Variants in TNFSF4 observed in about 807,000 individuals in gnomAD.
TNFSF4 encodes TNF superfamily member 4.
Under a neutral mutation model 7.3 loss-of-function variants are expected in TNFSF4, and 4 were observed. That is an observed-to-expected ratio of 0.55 (90% CI 0.27 to 1.25). The LOEUF is 1.25. Among genes scored for constraint, TNFSF4 ranks in the 50% most tolerant of loss-of-function variants. The pLI, the probability that TNFSF4 is intolerant of heterozygous loss-of-function variation, is 0.12. For missense variants in TNFSF4, 181 were observed against 208.8 expected (o/e 0.87, Z 0.82); for synonymous variants, 76 against 83.7 (o/e 0.91, Z 0.50).
chr1:173,384,999 C>T, the TNFSF4 span, among the ~76,000 whole-genome samples: 1 of 152,130 alleles, frequency 6.6e-6, no homozygotes, highest in Admixed American at 6.5e-5. Flanking sequence ...CTCAAAATAA[C>T]TGGAAGCATA....
chr1:173,238,354 A>G, the TNFSF4 span, among the ~76,000 whole-genome samples: 1 of 152,216 alleles, frequency 6.6e-6, no homozygotes, highest in East Asian at 1.9e-4. Flanking sequence ...AAGATTTCAC[A>G]ACAAAAATGC....
chr1:173,375,505 A>C, the TNFSF4 span, among the ~76,000 whole-genome samples: 1 of 152,218 alleles, frequency 6.6e-6, no homozygotes, highest in African/African-American at 2.4e-5. Context: ...TGTAAAATGC[A>C]TCAATCAGCA....
the TNFSF4 span, among the ~76,000 whole-genome samples, chr1:173,322,208 C>A: frequency 1.3e-5 from 2 of 152,118 alleles, no homozygotes; most frequent in Non-Finnish European, 2.9e-5. Context: ...AGCAAACTAA[C>A]ACAGGAACAG....
the TNFSF4 span, among the ~76,000 whole-genome samples, chr1:173,417,399 T>C: frequency 2.6e-5 from 4 of 152,256 alleles, no homozygotes; most frequent in African/African-American, 4.8e-5. Flanking sequence ...AGAACTCTTA[T>C]TGGCATTGTA....
intron 1 of TNFSF4, among the ~76,000 whole-genome samples, chr1:173,203,729 T>C (rs758339015): frequency 6.6e-6 from 1 of 152,180 alleles, no homozygotes; most frequent in East Asian, 1.9e-4. Context: ...TAAGTAGGAA[T>C]TGCTGAAAAA....
chr1:173,419,105 C>T, the TNFSF4 span, among the ~76,000 whole-genome samples: 10 of 152,066 alleles, frequency 6.6e-5, no homozygotes, highest in African/African-American at 2.4e-5. Context: ...TTTGGGAGGC[C>T]AAGGCGGGCA....
At chr1:173,199,893 G>C (rs1368173182) in intron 1 of TNFSF4, among the ~76,000 whole-genome samples, 1 of 152,074 alleles carries the variant, frequency 6.6e-6, no homozygotes, top group Non-Finnish European at 1.5e-5. Context: ...ATAAATTACT[G>C]AATTAGTACT....
At chr1:173,352,809 G>T in the TNFSF4 span, among the ~76,000 whole-genome samples, 1 of 152,224 alleles carries the variant, frequency 6.6e-6, no homozygotes, top group East Asian at 1.9e-4. Flanking sequence ...AGGAGGCCAG[G>T]GCGTATTTCA....
the TNFSF4 span, among the ~76,000 whole-genome samples, chr1:173,270,619 G>A: frequency 3.3e-5 from 5 of 152,128 alleles, no homozygotes; most frequent in African/African-American, 1.2e-4. Context: ...CAGACACTCA[G>A]CATGGTGGTA....
At chr1:173,404,239 C>T in the TNFSF4 span, among the ~76,000 whole-genome samples, 1 of 152,180 alleles carries the variant, frequency 6.6e-6, no homozygotes, top group Non-Finnish European at 1.5e-5. Flanking sequence ...TATGATATCT[C>T]CTGGGACCAT....
rs1297159329 is a variant in TNFSF4, at chr1:173,185,403, T to C, written c.*1113A>G. Reference sequence around the variant, plus strand: ...ATAGGCTGATTATAGACCCTTCTAGTTTCAATTATCAATGTGAGACTATAT... The same window carrying C: ...ATAGGCTGATTATAGACCCTTCTAGCTTCAATTATCAATGTGAGACTATAT... On this transcript the variant is annotated 3_prime_UTR_variant, in exon 3 of 3. Transcript: ENST00000281834. The C allele has an allele frequency of 6.6e-6, 1 of 152,166 alleles. No individual in the cohort carries two copies. Among genetic ancestry groups the C allele is most frequent in the Non-Finnish European group, 1.5e-5 (1 of 68,022 alleles). The allele number at this position is 152,166 out of a possible 1,614,324, so 9.4% of individuals were successfully genotyped here. A position where few individuals can be genotyped will look rare whatever the true frequency, so the allele number is the denominator to read the frequency against.
At chr1:173,233,777 A>G in the TNFSF4 span, among the ~76,000 whole-genome samples, 1 of 152,096 alleles carries the variant, frequency 6.6e-6, no homozygotes, top group Non-Finnish European at 1.5e-5. Flanking sequence ...CCTTCCTTAC[A>G]CCTTATAAAA....
the TNFSF4 span, among the ~76,000 whole-genome samples, chr1:173,435,562 T>A: frequency 6.6e-6 from 1 of 152,190 alleles, no homozygotes; most frequent in Non-Finnish European, 1.5e-5. Flanking sequence ...AACTGGCCAA[T>A]ACCTTGATCT....
At chr1:173,179,591 A>G (rs1025346644), downstream of TNFSF4, among the ~76,000 whole-genome samples, 12 of 152,350 alleles carry the variant, frequency 7.9e-5, no homozygotes, top group African/African-American at 2.9e-4. Flanking sequence ...TATCCGTTGT[A>G]TAATCAAAAA....
chr1:173,292,319 TTAG>T, the TNFSF4 span, among the ~76,000 whole-genome samples: 1 of 152,224 alleles, frequency 6.6e-6, no homozygotes, highest in Admixed American at 6.5e-5. Flanking sequence ...AAATGCAAGG[TTAG>T]TTCAACATAT....
chr1:173,320,538 GTC>G, the TNFSF4 span, among the ~76,000 whole-genome samples: 1 of 152,156 alleles, frequency 6.6e-6, no homozygotes, highest in African/African-American at 2.4e-5. Context: ...AACTCAAATT[GTC>G]TCTGTTTGCA....
At chr1:173,202,667 T>C (rs1375678385) in intron 1 of TNFSF4, among the ~76,000 whole-genome samples, 2 of 152,188 alleles carry the variant, frequency 1.3e-5, no homozygotes, top group Non-Finnish European at 2.9e-5. Flanking sequence ...TGTATTTCCT[T>C]TGGCGTAGGA....
At chr1:173,203,586 G>A (rs997710261) in intron 1 of TNFSF4, among the ~76,000 whole-genome samples, 10 of 151,950 alleles carry the variant, frequency 6.6e-5, no homozygotes, top group African/African-American at 1.9e-4. Context: ...GTTGTAGCCC[G>A]AAACTTCATT....
At chr1:173,386,323 T>C in the TNFSF4 span, among the ~76,000 whole-genome samples, 3 of 152,314 alleles carry the variant, frequency 2.0e-5, no homozygotes, top group South Asian at 6.2e-4. Flanking sequence ...TGTCTGTGTA[T>C]GTCAACTCTG....
Sources: allele counts gnomAD v4.1 joint callset (sites outside exome capture counted in the v4.1 genomes callset), GRCh38; gene constraint gnomAD v4.1.1; transcripts MANE v1.5; gene names NCBI Gene and HGNC (gene_info 2026-07-23, HGNC 2026-07-21).